Variants in FN1 observed in about 807,000 individuals in gnomAD.
FN1 encodes fibronectin.
In FN1, 106 loss-of-function variants were observed where a neutral mutation model predicts 297.3. That is an observed-to-expected ratio of 0.36 (90% CI 0.30 to 0.42). FN1 has a LOEUF of 0.42. FN1 is among the 10% of genes least tolerant of loss of function. The pLI, the probability that FN1 is intolerant of heterozygous loss-of-function variation, is 1.00. For missense variants in FN1, 2,690 were observed against 3,124.9 expected, an observed-to-expected ratio of 0.86 and a Z score of 3.32; for synonymous variants, 1,149 against 1,152.6, an observed-to-expected ratio of 1.00 and a Z score of 0.06.
At chr2:215,383,179 G>A (rs988489344) in intron 31 of FN1, 149 bp downstream of exon 31, 1 of 744,248 alleles carries the variant, frequency 1.3e-6, no homozygotes, top group Non-Finnish European at 2.3e-6. Context: ...TAATTTTTTT[G>A]TATTTTTTAG....
At chr2:215,425,373 G>A in intron 6 of FN1, 88 bp from the exon 7 acceptor site, 1 of 1,312,124 alleles carries the variant, frequency 7.6e-7, no homozygotes, top group East Asian at 2.3e-5. Flanking sequence ...GGATCTCACA[G>A]AGATCACTCT....
At position 215,406,295 on chromosome 2, in the gene FN1, CT is replaced by C; in HGVS notation, c.2928del (p.Val977SerfsTer4). On this transcript the variant is annotated frameshift_variant, in exon 19 of 46. Transcript: ENST00000354785. LOFTEE classifies it high-confidence loss of function. ...GLSPGVTYYF[K>X]VFAVSHGRES... ...TCCCTCCCATGGCTCACTGCAAAGA[CT>C]TTGAAGTAATAGGTGACCCCAGGGG... The C allele has an allele frequency of 6.2e-7, 1 of 1,614,226 alleles. No individual in the cohort carries two copies. The highest frequency in any genetic ancestry group is 8.5e-7 in the Non-Finnish European group (1 of 1,180,038).
chr2:215,379,966 G>T (rs1186934041), intron 33 of FN1: 1 of 152,898 alleles, frequency 6.5e-6, no homozygotes, highest in African/African-American at 2.4e-5. Flanking sequence ...AAAGCACTAG[G>T]ATTACATGTG....
At chr2:215,404,751 C>T (rs1351494752) in intron 19 of FN1, 96 bp from the exon 20 acceptor site, 2 of 1,174,492 alleles carry the variant, frequency 1.7e-6, no homozygotes, top group African/African-American at 3.0e-5. Context: ...GTTTTCTCTC[C>T]TCAAGGTTGT....
intron 6 of FN1, among the ~76,000 whole-genome samples, 189 bp downstream of exon 6, chr2:215,427,991 T>C (rs2065799379): frequency 6.6e-6 from 1 of 152,174 alleles, no homozygotes; most frequent in African/African-American, 2.4e-5. Context: ...CATTTTTCTT[T>C]TTTTCTGAAA....
chr2:215,407,034 T>C, intron 18 of FN1, 93 bp downstream of exon 18: 1 of 955,360 alleles, frequency 1.0e-6, no homozygotes. Flanking sequence ...TAAGATTTCT[T>C]GAATGAGAGG....
At chr2:215,428,427 G>T in intron 5 of FN1, 89 bp from the exon 6 acceptor site, 1 of 1,146,420 alleles carries the variant, frequency 8.7e-7, no homozygotes, top group Non-Finnish European at 1.3e-6. Context: ...ATCTATGCCT[G>T]GTAATCTATT....
intron 33 of FN1, 64 bp downstream of exon 33, chr2:215,380,746 AT>A: frequency 1.3e-6 from 2 of 1,573,214 alleles, no homozygotes; most frequent in Non-Finnish European, 1.7e-6. Flanking sequence ...GTGAAGCATA[AT>A]TCATTCAGTA....
rs371048501 is a variant in FN1, at chr2:215,419,205, T to C, written c.1819+37A>G. 26 of 1,601,984 alleles carry C rather than the reference T, an allele frequency of 1.6e-5. No individual in the cohort carries two copies. The African/African-American group carries it at 2.4e-4, about 15-fold the overall frequency. On this transcript the variant is annotated intron_variant, in intron 12 of 45. Transcript: ENST00000354785. ...TCACTGCCCTGTTGTTATAACCCAA[T>C]TGGCAGTTCTCAACTTGCAGTAATA...
In FN1 at chr2:215,375,320, T is replaced by C; in HGVS notation, c.6051A>G (p.Pro2017=). 2 of 1,614,086 alleles carry C rather than the reference T, an allele frequency of 1.2e-6. No individual in the cohort carries two copies. Among genetic ancestry groups the C allele is most frequent in the Non-Finnish European group, 1.7e-6 (2 of 1,180,000 alleles). ...TGATGTAGCCGGTAATCCTGGCACG[T>C]GGCGGCTGCCATGATACCAGCAAGG... ...PNSLLVSWQP[P]RARITGYIIK... is the part of the protein sequence containing the mutation. Residue 2017 remains proline (P), a synonymous_variant, in exon 38 of 46, where the codon CCA becomes CCG. Transcript: ENST00000354785.
In FN1 at chr2:215,429,610, C is replaced by G. The variant is rs75242613; in HGVS notation, c.685+1105G>C. On this transcript the variant is annotated intron_variant, in intron 5 of 45. Coordinates refer to ENST00000354785, the MANE Select transcript of FN1 (RefSeq NM_212482.4). ...AATCCCCAGCGAAAAGTATTATCATCCCCTGAACCTCCATAGCACTACTTT... is the reference window on the plus strand; with the variant it reads ...AATCCCCAGCGAAAAGTATTATCATGCCCTGAACCTCCATAGCACTACTTT... 1.0e-2 allele frequency among the ~76,000 whole-genome samples: 1,520 copies of G among 152,292 alleles called. 31 individuals carry two copies. The highest frequency in any genetic ancestry group is 0.034 in the African/African-American group (1,429 of 41,564).
intron 26 of FN1, among the ~76,000 whole-genome samples, chr2:215,388,780 G>A (rs1206857609): frequency 1.3e-5 from 2 of 152,070 alleles, no homozygotes; most frequent in East Asian, 1.9e-4. Context: ...TGTGACTTGG[G>A]AGACCATCAC....
Position 215,379,270 on chromosome 2 carries a change from T to A in FN1, c.5482A>T (p.Ser1828Cys), listed in dbSNP as rs199941833. 3 of 1,614,090 alleles carry A rather than the reference T, an allele frequency of 1.9e-6. No homozygotes were observed. Among genetic ancestry groups the A allele is most frequent in the Non-Finnish European group, 2.5e-6 (3 of 1,179,996 alleles). ...GGTGGTGTCCACTGGGCGCTCAGGC[T>A]TGTGGGTGTGACCTGAGTGAACTTC... The part of the protein sequence containing the change: ...DLKFTQVTPT[S>C]LSAQWTPPNV... The change falls in exon 34 of 46, where the codon AGC becomes TGC. Residue 1828 changes from serine to cysteine, a missense_variant. Ser to Cys is a moderately radical substitution (Grantham distance 112, BLOSUM62 -1). Transcript: ENST00000354785.
chr2:215,374,810 A>G (rs772012127), intron 38 of FN1, among the ~76,000 whole-genome samples: 8 of 152,176 alleles, frequency 5.3e-5, no homozygotes, highest in Non-Finnish European at 1.0e-4. Flanking sequence ...ATCCTGTGAT[A>G]GTGGTCAACA....
rs5838504 is a variant in FN1, at chr2:215,386,568, ATTTTTT to A, written c.4612+115_4612+120del. 3,018 of 334,990 alleles carry A rather than the reference ATTTTTT, an allele frequency of 9.0e-3. 1 individual carries two copies. The highest frequency in any genetic ancestry group is 0.013 in the Middle Eastern group (17 of 1,300). 20.8% of individuals were successfully genotyped at this position (334,990 alleles called of 1,614,324 possible). ...TCTCCATGTACCATGACAATGATCT[ATTTTTT>A]TTTTTTTTTTTTTTTTTTTTGAGAG... On this transcript the variant is annotated intron_variant, in intron 28 of 45. Coordinates refer to ENST00000354785, the MANE Select transcript of FN1 (RefSeq NM_212482.4).
In FN1 at chr2:215,425,145, T is replaced by G. The variant is rs773406716; in HGVS notation, c.985A>C (p.Lys329Gln). The G allele has an allele frequency of 7.4e-6, 12 of 1,614,118 alleles. No homozygotes were observed. The highest frequency in any genetic ancestry group is 1.6e-4 in the Middle Eastern group (1 of 6,084). The stretch of plus-strand genomic sequence containing the variant: ...CCCAGGCACGTGCAAAGCATTTGCT[T>G]ATTTCCTTGTGTCTTCAGCCACTGC... ...GMQWLKTQGNKQMLCTCLGNG... is the reference protein window; with the variant it reads ...GMQWLKTQGNQQMLCTCLGNG... The change falls in exon 7 of 46, where the codon AAG becomes CAG. Residue 329 changes from lysine (K) to glutamine (Q), a missense_variant. Lys to Gln is a moderately conservative substitution (Grantham distance 53, BLOSUM62 1). This residue lies in a region of FN1 where 876 missense variants were observed against 1,058.1 expected (regional missense o/e 0.83). Coordinates refer to ENST00000354785, the MANE Select transcript of FN1 (RefSeq NM_212482.4).
Position 215,410,074 on chromosome 2 carries a change from C to T in FN1, c.1982G>A (p.Gly661Asp), listed in dbSNP as rs200491884. The T allele has an allele frequency of 1.2e-6, 2 of 1,613,666 alleles. No homozygotes were observed. Among genetic ancestry groups the T allele is most frequent in the East Asian group, 2.2e-5 (1 of 44,856 alleles). ...TTTGATGGTGTAGGAGTTTAAGTGGCCTGGTATGGTAGCTTCCTTCCAACG... is the reference window on the plus strand; with the variant it reads ...TTTGATGGTGTAGGAGTTTAAGTGGTCTGGTATGGTAGCTTCCTTCCAACG... ...VGRWKEATIPGHLNSYTIKGL... is the reference protein window; with the variant it reads ...VGRWKEATIPDHLNSYTIKGL... Residue 661 changes from glycine to aspartate, a missense_variant, in exon 14 of 46, where the codon GGC becomes GAC. Physicochemically the swap from Gly to Asp is moderately conservative, Grantham distance 94 (BLOSUM62 -1). This residue lies in a region of FN1 where 876 missense variants were observed against 1,058.1 expected (regional missense o/e 0.83). Coordinates refer to ENST00000354785, the MANE Select transcript of FN1 (RefSeq NM_212482.4).
chr2:215,404,108 G>C (rs2106237196), intron 20 of FN1, among the ~76,000 whole-genome samples: 2 of 152,310 alleles, frequency 1.3e-5, no homozygotes, highest in South Asian at 4.1e-4. Flanking sequence ...TTAACACACT[G>C]CTTCCTTCAT....
chr2:215,424,080 G>A (rs2064920092), intron 8 of FN1, 66 bp downstream of exon 8: 3 of 1,501,798 alleles, frequency 2.0e-6, no homozygotes, highest in Non-Finnish European at 2.8e-6. Context: ...TAGAATGCTG[G>A]CAAATAAAAC....
Sources: gnomAD v4.1 joint callset for allele counts (sites outside exome capture counted in the v4.1 genomes callset) on GRCh38, gnomAD v4.1.1 for gene constraint, gnomAD v4.1.1 regional missense constraint, MANE v1.5 for transcripts, NCBI Gene and HGNC (gene_info 2026-07-23, HGNC 2026-07-21) for gene names.